The following HLCS variants were observed in gnomAD, a reference collection of about 807,000 sequenced individuals.
The protein encoded by HLCS is holocarboxylase synthetase.
In HLCS, 53 loss-of-function variants were observed where a neutral mutation model predicts 75.0. The ratio of observed to expected loss-of-function variants is 0.71; its 90% CI spans 0.57 to 0.89. The LOEUF (loss-of-function observed/expected upper bound fraction) is 0.89. HLCS is among the 40% of genes least tolerant of loss of function. The pLI is 0.00. For synonymous variants in HLCS, 431 were observed against 428.6 expected, an observed-to-expected ratio of 1.01 and a Z score of -0.07; for missense variants, 966 against 1,074.0, an observed-to-expected ratio of 0.90 and a Z score of 1.41.
intron 8 of HLCS, among the ~76,000 whole-genome samples, chr21:36,760,884 T>A (rs1368820763): frequency 6.6e-6 from 1 of 152,216 alleles, no homozygotes; most frequent in African/African-American, 2.4e-5. Flanking sequence ...GAGACGGGGC[T>A]AGCCGAGTGG....
At chr21:36,854,233 C>T (rs923074855) in intron 6 of HLCS, among the ~76,000 whole-genome samples, 7 of 152,134 alleles carry the variant, frequency 4.6e-5, no homozygotes, top group Admixed American at 2.0e-4. Flanking sequence ...AGCTTAAACA[C>T]GTGTAAGGGG....
chr21:36,759,508 AC>A (rs1245745407), intron 9 of HLCS, among the ~76,000 whole-genome samples: 1 of 152,222 alleles, frequency 6.6e-6, no homozygotes, highest in Non-Finnish European at 1.5e-5. Context: ...TTGATGTGAT[AC>A]CACTTTGGTG....
At chr21:36,807,212 T>A (rs1290390965) in intron 6 of HLCS, among the ~76,000 whole-genome samples, 1 of 152,102 alleles carries the variant, frequency 6.6e-6, no homozygotes, top group Non-Finnish European at 1.5e-5. Flanking sequence ...CATGAAAACC[T>A]GAGGACAGAG....
At chr21:36,868,083 G>A (rs1362626074) in intron 6 of HLCS, among the ~76,000 whole-genome samples, 1 of 151,786 alleles carries the variant, frequency 6.6e-6, no homozygotes, top group Non-Finnish European at 1.5e-5. Flanking sequence ...TGGGGAGGCA[G>A]AGGTTGTAAT....
At chr21:36,931,440 A>C (rs1263173926) in intron 4 of HLCS, among the ~76,000 whole-genome samples, 1 of 152,116 alleles carries the variant, frequency 6.6e-6, no homozygotes, top group Non-Finnish European at 1.5e-5. Flanking sequence ...GAGCAGCGTT[A>C]TTCATCATTT....
chr21:36,861,981 T>C, intron 6 of HLCS, among the ~76,000 whole-genome samples: 1 of 152,188 alleles, frequency 6.6e-6, no homozygotes, highest in East Asian at 1.9e-4. Context: ...TGATCTATTA[T>C]ACTTACTATC....
chr21:36,976,653 A>T (rs1257329304), intron 1 of HLCS, among the ~76,000 whole-genome samples: 1 of 152,192 alleles, frequency 6.6e-6, no homozygotes, highest in Non-Finnish European at 1.5e-5. Flanking sequence ...GTTGTGTAAG[A>T]TGTTAGCATT....
At position 36,842,451 on chromosome 21, in the gene HLCS, ACT is replaced by A. The variant is rs2062647412; in HGVS notation, c.1892+54407_1892+54408del. ...TATACTTCAATAAAACTTCTAAGAA[ACT>A]CTCTGGCCAGGCACAGTGGCTCATC... is the stretch of plus-strand genomic sequence containing the variant. On this transcript the variant is annotated intron_variant, in intron 6 of 10. Transcript: ENST00000674895. This position sits in a 1 kb window ranked among gnomAD's most constrained non-coding sequence, Gnocchi z 4.2. 6.6e-6 allele frequency among the ~76,000 whole-genome samples: 1 copy of A among 151,934 alleles called. No individual in the cohort carries two copies. The highest frequency in any genetic ancestry group is 2.4e-5 in the African/African-American group (1 of 41,346).
rs2068608860 is a variant in HLCS, at chr21:36,966,668, T to C, written c.-30A>G. 5.2e-6 allele frequency: 5 copies of C among 963,246 alleles called. No homozygotes were observed. The highest frequency in any genetic ancestry group is 6.1e-6 in the Non-Finnish European group (5 of 813,156). The allele number at this position is 963,246 out of a possible 1,614,324, so 59.7% of individuals were successfully genotyped here. On this transcript the variant is annotated 5_prime_UTR_variant, in exon 1 of 11. Transcript: ENST00000674895. ...GCGCCGCCGGCAGGGCGAGCCCGCC[T>C]TGCCCGCCCGCCCCAGCGCCCCAGG...
At chr21:36,870,358 C>T (rs897154769) in intron 6 of HLCS, among the ~76,000 whole-genome samples, 2 of 152,160 alleles carry the variant, frequency 1.3e-5, no homozygotes, top group Non-Finnish European at 2.9e-5. Flanking sequence ...CTGATACGGT[C>T]TTAACAGTCA....
chr21:36,825,204 A>T (rs144639236), intron 6 of HLCS, among the ~76,000 whole-genome samples: 2 of 152,238 alleles, frequency 1.3e-5, no homozygotes, highest in East Asian at 3.9e-4. Context: ...CAACATAGTG[A>T]GAGGTCCTGT....
intron 2 of HLCS, among the ~76,000 whole-genome samples, chr21:36,944,384 C>G (rs879717880): frequency 3.3e-5 from 5 of 152,014 alleles, no homozygotes; most frequent in African/African-American, 1.2e-4. Flanking sequence ...TAGAAAGAGG[C>G]GCAAGACAAA....
chr21:36,969,477 A>G (rs2068726023), upstream of HLCS: 1 of 152,110 alleles, frequency 6.6e-6, no homozygotes. Context: ...AAAGTTAGAG[A>G]AGCACTGCTA....
At chr21:36,808,006 G>A (rs967239092) in intron 6 of HLCS, among the ~76,000 whole-genome samples, 15 of 151,008 alleles carry the variant, frequency 9.9e-5, no homozygotes, top group Non-Finnish European at 1.8e-4. Context: ...TAGCTAAAAA[G>A]TAAGTTTTGT....
chr21:36,893,363 C>T (rs771576657), intron 6 of HLCS, among the ~76,000 whole-genome samples: 10 of 152,226 alleles, frequency 6.6e-5, no homozygotes, highest in East Asian at 3.9e-4. Context: ...TGAGCCACCG[C>T]GCCTGGCCAT....
At chr21:36,926,957 G>C (rs1387500320) in intron 5 of HLCS, among the ~76,000 whole-genome samples, 16 of 152,024 alleles carry the variant, frequency 1.1e-4, no homozygotes, top group Non-Finnish European at 2.9e-5. Flanking sequence ...GGTTGCCCAG[G>C]CTGGTCTCGA....
At chr21:36,940,466 C>G (rs1240090293) in intron 2 of HLCS, among the ~76,000 whole-genome samples, 2 of 152,140 alleles carry the variant, frequency 1.3e-5, no homozygotes, top group Admixed American at 1.3e-4. Context: ...CTCGGGCCAC[C>G]ACACTGGGCT....
intron 6 of HLCS, among the ~76,000 whole-genome samples, chr21:36,851,514 G>A (rs2063006721): frequency 6.6e-6 from 1 of 152,202 alleles, no homozygotes. Context: ...GGTCATCAGA[G>A]GCTGGGAAGG....
At chr21:36,964,901 T>C (rs1650596380) in intron 1 of HLCS, among the ~76,000 whole-genome samples, 1 of 152,174 alleles carries the variant, frequency 6.6e-6, no homozygotes, top group African/African-American at 2.4e-5. Context: ...ACCCCTCAAT[T>C]TTTTGCCATT....
Sources: gnomAD v4.1 joint callset for allele counts (sites outside exome capture counted in the v4.1 genomes callset) on GRCh38, gnomAD v4.1.1 for gene constraint, Gnocchi (gnomAD v3.1) non-coding constraint, MANE v1.5 for transcripts, NCBI Gene and HGNC (gene_info 2026-07-23, HGNC 2026-07-21) for gene names.